The following GRIN2B variants were observed in gnomAD, a reference collection of about 807,000 sequenced individuals.
The protein encoded by GRIN2B is glutamate ionotropic receptor NMDA type subunit 2B.
Under a neutral mutation model 114.5 loss-of-function variants are expected in GRIN2B, and 5 were observed. The ratio of observed to expected loss-of-function variants is 0.04; its 90% CI spans 0.02 to 0.09. The LOEUF (loss-of-function observed/expected upper bound fraction) is 0.09. Among genes scored for constraint, GRIN2B ranks in the 10% least tolerant of loss-of-function variants. GRIN2B has a pLI of 1.00. For synonymous variants in GRIN2B, 787 were observed against 745.1 expected (o/e 1.06, Z -0.92); for missense variants, 1,108 against 1,943.5 (o/e 0.57, Z 8.08).
At chr12:13,715,532 T>A (rs1392496984) in intron 4 of GRIN2B, among the ~76,000 whole-genome samples, 1 of 151,910 alleles carries the variant, frequency 6.6e-6, no homozygotes, top group Non-Finnish European at 1.5e-5. Context: ...AATGAATGCA[T>A]GCATGATTGG....
At chr12:13,573,813 C>G (rs1399071553) in intron 10 of GRIN2B, among the ~76,000 whole-genome samples, 1 of 152,134 alleles carries the variant, frequency 6.6e-6, no homozygotes, top group Non-Finnish European at 1.5e-5. Flanking sequence ...TATCTCAGCA[C>G]CAGGAGCCAT....
At chr12:13,839,385 T>A (rs76102470) in intron 3 of GRIN2B, among the ~76,000 whole-genome samples, 1 of 152,162 alleles carries the variant, frequency 6.6e-6, no homozygotes, top group Non-Finnish European at 1.5e-5. Context: ...TATTTTCCAG[T>A]TGGAGAAAAT....
chr12:13,753,937 A>T lies in GRIN2B; in HGVS notation c.412-22T>A, dbSNP rs749174240. 5 of 1,505,978 alleles carry T rather than the reference A, an allele frequency of 3.3e-6. No homozygotes were observed. The highest frequency in any genetic ancestry group is 3.7e-6 in the Non-Finnish European group (4 of 1,081,990). The allele number at this position is 1,505,978 out of a possible 1,614,324, so 93.3% of individuals were successfully genotyped here. A position where few individuals can be genotyped will look rare whatever the true frequency, so the allele number is the denominator to read the frequency against. ...CATCCTAGAAAAAGAACAGGACAAA[A>T]AAAGGAAGAGAGAAAAAAATCAAAC... On this transcript the variant is annotated intron_variant, in intron 3 of 13. Transcript: ENST00000609686. This position sits in a 1 kb window ranked among gnomAD's most constrained non-coding sequence, Gnocchi z 6.2.
chr12:13,620,126 T>C, intron 5 of GRIN2B, among the ~76,000 whole-genome samples: 1 of 152,224 alleles, frequency 6.6e-6, no homozygotes, highest in East Asian at 1.9e-4. Context: ...GACCCTCATT[T>C]TGAGCTGTGG....
chr12:13,674,085 C>T (rs957551712), intron 5 of GRIN2B, among the ~76,000 whole-genome samples: 13 of 152,026 alleles, frequency 8.6e-5, no homozygotes, highest in Non-Finnish European at 1.5e-4. Flanking sequence ...GCAGGCCAAG[C>T]GCAGTGGCAC....
intron 3 of GRIN2B, among the ~76,000 whole-genome samples, chr12:13,757,719 G>T (rs373469336): frequency 3.8e-4 from 58 of 152,236 alleles, no homozygotes; most frequent in Middle Eastern, 3.4e-3. Context: ...TAACAGAGAT[G>T]AATAAGCAGC....
chr12:13,866,108 C>A lies in GRIN2B; in HGVS notation c.101G>T (p.Ser34Ile), dbSNP rs777940683. Residue 34 changes from serine (S) to isoleucine (I), a missense_variant, in exon 3 of 14, where the codon AGC (serine) becomes ATC (isoleucine). By Grantham distance (142) the Ser-to-Ile change is moderately radical (BLOSUM62 -2). Around this residue, in one of 19 missense-constraint regions of GRIN2B, gnomAD observed 46 missense variants for 44.4 expected, o/e 1.04. Coordinates refer to ENST00000609686, the MANE Select transcript of GRIN2B (RefSeq NM_000834.5). ...CACGAGGATGACAGCAATGCCAATG[C>A]TGGGGGGGCTCTTCTGAGAACGAGC... ...SRARSQKSPPSIGIAVILVGT... is the reference protein window; with the variant it reads ...SRARSQKSPPIIGIAVILVGT... 30 of 1,613,956 alleles carry A rather than the reference C, an allele frequency of 1.9e-5. No homozygotes were observed. Among genetic ancestry groups the A allele is most frequent in the Non-Finnish European group, 2.5e-5 (30 of 1,179,990 alleles).
At chr12:13,573,685 G>T (rs1948736436) in intron 10 of GRIN2B, among the ~76,000 whole-genome samples, 1 of 152,272 alleles carries the variant, frequency 6.6e-6, no homozygotes, top group South Asian at 2.1e-4. Flanking sequence ...ATTTACTTTG[G>T]AGAAACATTT....
In GRIN2B at chr12:13,747,448, C is replaced by T. The variant is rs140374133; in HGVS notation, c.1010+5869G>A. Among the ~76,000 whole-genome samples the T allele has an allele frequency of 2.8e-3, 421 of 152,276 alleles. 1 individual carries two copies. Among genetic ancestry groups the T allele is most frequent in the Non-Finnish European group, 4.5e-3 (305 of 68,006 alleles). Reference sequence around the variant, plus strand: ...GAACTACAATAAGCATTGAATGTATCTTTTAGGTTATTAGGTTCTTCGATT... The same window carrying T: ...GAACTACAATAAGCATTGAATGTATTTTTTAGGTTATTAGGTTCTTCGATT... On this transcript the variant is annotated intron_variant, in intron 4 of 13. Coordinates refer to ENST00000609686, the MANE Select transcript of GRIN2B (RefSeq NM_000834.5).
rs375940899 is a variant in GRIN2B, at chr12:13,825,496, T to TTTTTTGTG, written c.411+40301_411+40302insCACAAAAA. 4.1e-5 allele frequency among the ~76,000 whole-genome samples: 5 copies of TTTTTTGTG among 122,970 alleles called. No homozygotes were observed. The South Asian group carries it at 7.9e-4, about 20-fold the overall frequency. The allele number at this position is 122,970 out of a possible 152,430, so 80.7% of individuals were successfully genotyped here. ...TATATATAATAAATATATATATATT[T>TTTTTTGTG]TGTGTGTGTGTGTGTGTGTGTGTGT... On this transcript the variant is annotated intron_variant, in intron 3 of 13. Coordinates refer to ENST00000609686, the MANE Select transcript of GRIN2B (RefSeq NM_000834.5).
intron 3 of GRIN2B, among the ~76,000 whole-genome samples, chr12:13,776,235 T>C (rs1400052045): frequency 6.6e-6 from 1 of 151,974 alleles, no homozygotes; most frequent in Non-Finnish European, 1.5e-5. Flanking sequence ...TGAGAACACA[T>C]GGACACACTG....
intron 3 of GRIN2B, among the ~76,000 whole-genome samples, chr12:13,769,349 T>C (rs1863863053): frequency 6.6e-6 from 1 of 152,148 alleles, no homozygotes; most frequent in South Asian, 2.1e-4. Flanking sequence ...TGTCTGGTTG[T>C]AATATTCATT....
chr12:13,603,959 C>T (rs192987587), intron 10 of GRIN2B, among the ~76,000 whole-genome samples: 22 of 152,084 alleles, frequency 1.4e-4, no homozygotes, highest in Non-Finnish European at 2.8e-4. Flanking sequence ...GAAGACTATC[C>T]AAATAGCATA....
rs2136384303 is a variant in GRIN2B at position 13,547,346 on chromosome 12, C to T, written c.*15437G>A. ...TGTCTTTCCTTTTGTGAAGCACCAACCACTGAAGTTCATTTTGGAATCATG... is the reference window on the plus strand; with the variant it reads ...TGTCTTTCCTTTTGTGAAGCACCAATCACTGAAGTTCATTTTGGAATCATG... On this transcript the variant is annotated 3_prime_UTR_variant, in exon 14 of 14. Transcript: ENST00000609686. 1 of 152,190 alleles carries T rather than the reference C, an allele frequency of 6.6e-6. No homozygotes were observed. The highest frequency in any genetic ancestry group is 2.1e-4 in the South Asian group (1 of 4,814). 9.4% of individuals were successfully genotyped at this position (152,190 alleles called of 1,614,324 possible). A position where few individuals can be genotyped will look rare whatever the true frequency, so the allele number is the denominator to read the frequency against.
chr12:13,710,997 C>G (rs1372114195), intron 4 of GRIN2B, among the ~76,000 whole-genome samples: 5 of 152,084 alleles, frequency 3.3e-5, no homozygotes, highest in African/African-American at 1.2e-4. Context: ...GCCACAGTAA[C>G]CAAAACAGCA....
intron 2 of GRIN2B, among the ~76,000 whole-genome samples, chr12:13,976,178 G>A (rs1485254743): frequency 6.6e-6 from 1 of 152,200 alleles, no homozygotes; most frequent in Non-Finnish European, 1.5e-5. Flanking sequence ...CCTCCTTCTG[G>A]AAGATATCAA....
chr12:13,610,675 G>A (rs768362916), intron 9 of GRIN2B, among the ~76,000 whole-genome samples: 2 of 152,188 alleles, frequency 1.3e-5, no homozygotes, highest in Admixed American at 6.5e-5. Flanking sequence ...AGAAGCATGA[G>A]GAAGATTTTA....
At chr12:13,580,647 T>C (rs1178439512) in intron 10 of GRIN2B, among the ~76,000 whole-genome samples, 1 of 152,236 alleles carries the variant, frequency 6.6e-6, no homozygotes. Flanking sequence ...ACCACATTTT[T>C]ACCTACTCAG....
intron 5 of GRIN2B, among the ~76,000 whole-genome samples, chr12:13,624,352 G>A (rs1258653543): frequency 6.6e-6 from 1 of 152,064 alleles, no homozygotes; most frequent in Non-Finnish European, 1.5e-5. Context: ...TTTCTTCCAT[G>A]AAAAGGATGT....
Sources: allele counts gnomAD v4.1 joint callset (sites outside exome capture counted in the v4.1 genomes callset), GRCh38; gene constraint gnomAD v4.1.1; regional missense constraint gnomAD v4.1.1; non-coding constraint Gnocchi (gnomAD v3.1); transcripts MANE v1.5; gene names NCBI Gene and HGNC (gene_info 2026-07-23, HGNC 2026-07-21).